The following SLC14A2 variants were observed in gnomAD, a reference collection of about 807,000 sequenced individuals.
SLC14A2 encodes urea transporter 2.
In SLC14A2, 91 loss-of-function variants were observed where a neutral mutation model predicts 104.6. That is an observed-to-expected ratio of 0.87 (90% CI 0.73 to 1.04). SLC14A2 has a LOEUF of 1.04. Among genes scored for constraint, SLC14A2 ranks in the 50% least tolerant of loss-of-function variants. The pLI, the probability that SLC14A2 is intolerant of heterozygous loss-of-function variation, is 0.00. For synonymous variants in SLC14A2, 476 were observed against 466.4 expected (o/e 1.02, Z -0.27); for missense variants, 1,189 against 1,156.0 (o/e 1.03, Z -0.41).
intron 1 of SLC14A2, among the ~76,000 whole-genome samples, chr18:45,411,681 G>A (rs545406726): frequency 1.6e-4 from 24 of 152,302 alleles, no homozygotes; most frequent in Admixed American, 1.5e-3. Flanking sequence ...AGTGAGCTGA[G>A]AGGAAAATAT....
At chr18:45,618,435 C>CTGGG (rs2045108352) in intron 1 of SLC14A2, among the ~76,000 whole-genome samples, 1 of 151,828 alleles carries the variant, frequency 6.6e-6, no homozygotes, top group African/African-American at 2.4e-5. Context: ...TTGGGAGGCC[C>CTGGG]AGGCCAGTGG....
At chr18:45,324,508 C>A (rs1316695846) in intron 1 of SLC14A2, among the ~76,000 whole-genome samples, 1 of 152,094 alleles carries the variant, frequency 6.6e-6, no homozygotes, top group Non-Finnish European at 1.5e-5. Context: ...ACCTCACACC[C>A]TCCTAGCTTC....
chr18:45,514,365 C>T (rs1457263367), intron 2 of SLC14A2, among the ~76,000 whole-genome samples: 1 of 152,160 alleles, frequency 6.6e-6, no homozygotes, highest in Non-Finnish European at 1.5e-5. Flanking sequence ...AAAACTCCAC[C>T]ATGAGACAAC....
chr18:45,605,921 G>A (rs1007738604), intron 2 of SLC14A2, among the ~76,000 whole-genome samples: 3 of 152,142 alleles, frequency 2.0e-5, no homozygotes, highest in African/African-American at 7.2e-5. Flanking sequence ...ATCTTTGCAG[G>A]ATCCATGAGA....
intron 2 of SLC14A2, among the ~76,000 whole-genome samples, chr18:45,524,894 C>T (rs922753345): frequency 2.0e-5 from 3 of 152,200 alleles, no homozygotes; most frequent in African/African-American, 7.2e-5. Context: ...GGAAAGTTTT[C>T]TCCCAACTTT....
intron 1 of SLC14A2, among the ~76,000 whole-genome samples, chr18:45,285,185 A>T (rs1306857960): frequency 6.6e-6 from 1 of 152,204 alleles, no homozygotes; most frequent in African/African-American, 2.4e-5. Context: ...GAGACAGACT[A>T]TAGAGGATCT....
chr18:45,413,017 A>C (rs1431355644), intron 1 of SLC14A2, among the ~76,000 whole-genome samples: 1 of 152,188 alleles, frequency 6.6e-6, no homozygotes, highest in Non-Finnish European at 1.5e-5. Context: ...AAACCATCTT[A>C]AGGTTGTCCG....
intron 1 of SLC14A2, among the ~76,000 whole-genome samples, chr18:45,416,809 C>A (rs564740736): frequency 6.0e-4 from 91 of 152,286 alleles, no homozygotes; most frequent in African/African-American, 2.1e-3. Flanking sequence ...CTTTATAGGA[C>A]ATTTGATCAT....
At chr18:45,504,946 C>A (rs967112803) in intron 2 of SLC14A2, among the ~76,000 whole-genome samples, 2 of 152,146 alleles carry the variant, frequency 1.3e-5, no homozygotes, top group Non-Finnish European at 2.9e-5. Flanking sequence ...AATACACACT[C>A]CCTCTTGATT....
chr18:45,604,501 A>C (rs996078151), intron 2 of SLC14A2, among the ~76,000 whole-genome samples: 3 of 152,226 alleles, frequency 2.0e-5, no homozygotes, highest in Non-Finnish European at 4.4e-5. Flanking sequence ...ACTCTGCTTT[A>C]TAAATGCATC....
intron 1 of SLC14A2, among the ~76,000 whole-genome samples, chr18:45,285,908 G>A (rs1166337865): frequency 6.6e-6 from 1 of 152,158 alleles, no homozygotes; most frequent in Non-Finnish European, 1.5e-5. Context: ...ATAGTCACCT[G>A]GGAGGCTTGC....
chr18:45,513,821 T>G (rs2043400146), intron 2 of SLC14A2, among the ~76,000 whole-genome samples: 1 of 152,202 alleles, frequency 6.6e-6, no homozygotes, highest in South Asian at 2.1e-4. Flanking sequence ...AGACCCATAG[T>G]GGAGGAAGTT....
At chr18:45,487,199 G>A (rs1010207274) in intron 2 of SLC14A2, among the ~76,000 whole-genome samples, 3 of 152,196 alleles carry the variant, frequency 2.0e-5, no homozygotes, top group African/African-American at 7.2e-5. Context: ...AGCTTCTAGA[G>A]GTTGCCTGCA....
chr18:45,584,492 C>T (rs537474079), intron 2 of SLC14A2, among the ~76,000 whole-genome samples: 2 of 152,208 alleles, frequency 1.3e-5, no homozygotes, highest in South Asian at 2.1e-4. Context: ...AATTCAGCAA[C>T]AGAAATGGCC....
At chr18:45,255,392 C>G (rs2084466445) in intron 1 of SLC14A2, among the ~76,000 whole-genome samples, 1 of 152,210 alleles carries the variant, frequency 6.6e-6, no homozygotes. Context: ...ACAGCATGGT[C>G]TTTTGTGGCC....
At chr18:45,495,817 C>G (rs1398927566) in intron 2 of SLC14A2, among the ~76,000 whole-genome samples, 1 of 152,152 alleles carries the variant, frequency 6.6e-6, no homozygotes, top group Non-Finnish European at 1.5e-5. Flanking sequence ...AACGTAGCAG[C>G]CCAGAGCACA....
intron 1 of SLC14A2, among the ~76,000 whole-genome samples, chr18:45,276,959 C>T (rs1362854160): frequency 1.3e-5 from 2 of 152,186 alleles, no homozygotes; most frequent in Non-Finnish European, 2.9e-5. Context: ...AATAGTGATC[C>T]TGGGCCTTTG....
intron 1 of SLC14A2, among the ~76,000 whole-genome samples, chr18:45,622,920 A>G (rs181197268): frequency 6.6e-6 from 1 of 152,160 alleles, no homozygotes; most frequent in East Asian, 1.9e-4. Flanking sequence ...AAAGCAATCT[A>G]CTCGGTTATT....
chr18:45,489,832 A>T (rs997024666), intron 2 of SLC14A2: 26 of 152,188 alleles, frequency 1.7e-4, no homozygotes, highest in African/African-American at 6.0e-4. Flanking sequence ...TCACATAGAG[A>T]TTATTGTTTT....
Sources: gnomAD v4.1 joint callset for allele counts (sites outside exome capture counted in the v4.1 genomes callset) on GRCh38, gnomAD v4.1.1 for gene constraint, MANE v1.5 for transcripts, NCBI Gene and HGNC (gene_info 2026-07-23, HGNC 2026-07-21) for gene names.